FRMD4A: variants seen among roughly 807,000 people sequenced by gnomAD.
The protein encoded by FRMD4A is FERM domain containing 4A.
A neutral mutation model predicts 129.1 loss-of-function variants in FRMD4A; 29 were observed. The ratio of observed to expected loss-of-function variants is 0.22; its 90% CI spans 0.17 to 0.31. FRMD4A has a LOEUF of 0.31. Ranked by LOEUF, FRMD4A falls within the 10% of genes least tolerant of loss-of-function variation. The pLI, the probability that FRMD4A is intolerant of heterozygous loss-of-function variation, is 1.00. For missense variants in FRMD4A, 1,272 were observed against 1,375.8 expected, an observed-to-expected ratio of 0.92 and a Z score of 1.19; for synonymous variants, 634 against 571.6, an observed-to-expected ratio of 1.11 and a Z score of -1.56.
At chr10:14,202,954 G>A (rs779093957) in intron 2 of FRMD4A, among the ~76,000 whole-genome samples, 9 of 151,942 alleles carry the variant, frequency 5.9e-5, no homozygotes, top group East Asian at 1.9e-4. Context: ...TGTATTTTTC[G>A]TAGAGACAGG....
At chr10:13,878,772 AAGAG>A (rs556625550) in intron 2 of FRMD4A, among the ~76,000 whole-genome samples, 1 of 134,104 alleles carries the variant, frequency 7.5e-6, no homozygotes, top group South Asian at 2.6e-4. Context: ...AAAGAAAAGA[AAGAG>A]AGAGAGAGAG....
intron 16 of FRMD4A, among the ~76,000 whole-genome samples, chr10:13,672,848 A>C (rs774170890): frequency 1.3e-5 from 2 of 152,228 alleles, no homozygotes; most frequent in Non-Finnish European, 2.9e-5. Context: ...ATGCGTCAAG[A>C]GGCTATGGTG....
intron 2 of FRMD4A, among the ~76,000 whole-genome samples, chr10:14,165,870 G>A (rs575460354): frequency 6.6e-6 from 1 of 152,280 alleles, no homozygotes; most frequent in Non-Finnish European, 1.5e-5. Flanking sequence ...GAGGAAGAGG[G>A]TGGGGCAAGG....
chr10:13,872,585 T>G (rs2131089620), intron 2 of FRMD4A, among the ~76,000 whole-genome samples: 1 of 152,372 alleles, frequency 6.6e-6, no homozygotes, highest in African/African-American at 2.4e-5. Context: ...ACGCAGACGT[T>G]CTGCAAGGGC....
intron 15 of FRMD4A, among the ~76,000 whole-genome samples, chr10:13,689,198 C>CGGGGGGGT (rs2085398998): frequency 4.4e-5 from 3 of 68,026 alleles, no homozygotes; most frequent in Non-Finnish European, 9.7e-5. Context: ...AAACTCTTTG[C>CGGGGGGGT]GGGGGGGGGG....
chr10:13,822,096 T>C (rs1476145164), intron 3 of FRMD4A, among the ~76,000 whole-genome samples: 1 of 152,202 alleles, frequency 6.6e-6, no homozygotes, highest in Non-Finnish European at 1.5e-5. Flanking sequence ...CACATAGATC[T>C]ATATGTATGT....
chr10:13,923,716 T>A (rs2610808), intron 2 of FRMD4A, among the ~76,000 whole-genome samples: 133,473 of 152,246 alleles, frequency 0.88, 58,802 homozygotes, highest in East Asian at 1. Context: ...GCCACGTTTA[T>A]CTTATACATA....
At chr10:13,909,484 T>G (rs1335849852) in intron 2 of FRMD4A, among the ~76,000 whole-genome samples, 1 of 152,150 alleles carries the variant, frequency 6.6e-6, no homozygotes. Context: ...GATTTTTGAG[T>G]CAACAGTTGA....
At chr10:13,914,231 C>A (rs1433330382) in intron 2 of FRMD4A, among the ~76,000 whole-genome samples, 12 of 152,172 alleles carry the variant, frequency 7.9e-5, no homozygotes, top group Admixed American at 7.9e-4. Context: ...TTCTCATGAT[C>A]TACTCAAGGT....
intron 2 of FRMD4A, among the ~76,000 whole-genome samples, chr10:14,150,631 A>T (rs1164092937): frequency 6.6e-6 from 1 of 152,114 alleles, no homozygotes; most frequent in African/African-American, 2.4e-5. Flanking sequence ...AAAGACCTAG[A>T]GGCTCTGCCA....
intron 5 of FRMD4A, 127 bp downstream of exon 5, chr10:13,796,369 C>T (rs2093119525): frequency 2.9e-6 from 2 of 678,462 alleles, no homozygotes; most frequent in African/African-American, 1.8e-5. Context: ...AGCTCTACTA[C>T]AACCTTTATC....
chr10:14,013,056 A>G (rs2095687410), intron 2 of FRMD4A, among the ~76,000 whole-genome samples: 2 of 152,162 alleles, frequency 1.3e-5, no homozygotes, highest in Non-Finnish European at 2.9e-5. Context: ...CATGAGCCCC[A>G]GCAGAAGGGG....
intron 4 of FRMD4A, among the ~76,000 whole-genome samples, chr10:13,809,896 G>T (rs1203376955): frequency 6.6e-6 from 1 of 152,198 alleles, no homozygotes; most frequent in African/African-American, 2.4e-5. Context: ...GTAGCCATGT[G>T]CAGGGACACC....
At chr10:13,796,672 G>A (rs1321161232) in intron 4 of FRMD4A, 84 bp from the exon 5 acceptor site, 2 of 709,480 alleles carry the variant, frequency 2.8e-6, no homozygotes, top group African/African-American at 1.8e-5. Flanking sequence ...GAAGCAGAAC[G>A]TGCTGGATCG....
chr10:13,867,134 T>A (rs2094377701), intron 2 of FRMD4A, among the ~76,000 whole-genome samples: 1 of 152,248 alleles, frequency 6.6e-6, no homozygotes, highest in South Asian at 2.1e-4. Context: ...ATGTTGTACA[T>A]TACATCTCTA....
chr10:14,271,241 C>A (rs1845153315), intron 2 of FRMD4A, among the ~76,000 whole-genome samples: 1 of 152,216 alleles, frequency 6.6e-6, no homozygotes, highest in African/African-American at 2.4e-5. Flanking sequence ...CAGGCAGGGA[C>A]AAATATCCAC....
chr10:13,871,733 T>C (rs966110176), intron 2 of FRMD4A, among the ~76,000 whole-genome samples: 2 of 152,196 alleles, frequency 1.3e-5, no homozygotes, highest in South Asian at 2.1e-4. Flanking sequence ...TAGATCCTCT[T>C]GCATCTCGCA....
intron 2 of FRMD4A, among the ~76,000 whole-genome samples, chr10:13,923,350 C>G (rs528782748): frequency 6.6e-6 from 1 of 152,156 alleles, no homozygotes; most frequent in South Asian, 2.1e-4. Flanking sequence ...CTAAAGCACC[C>G]GACCTCCATA....
intron 12 of FRMD4A, chr10:13,710,629 T>G (rs375120768): frequency 6.6e-5 from 10 of 152,398 alleles, no homozygotes; most frequent in African/African-American, 2.4e-4. Context: ...ATTTTTGTTT[T>G]GCAAATGCAA....
Sources: allele counts gnomAD v4.1 joint callset (sites outside exome capture counted in the v4.1 genomes callset), GRCh38; gene constraint gnomAD v4.1.1; transcripts MANE v1.5; gene names NCBI Gene and HGNC (gene_info 2026-07-23, HGNC 2026-07-21).